Variants in CADM1 observed in about 807,000 individuals in gnomAD.
The protein encoded by CADM1 is cell adhesion molecule 1.
A neutral mutation model predicts 53.1 loss-of-function variants in CADM1; 15 were observed. The observed-to-expected ratio is 0.28, with a 90% CI of 0.19 to 0.44. The LOEUF (loss-of-function observed/expected upper bound fraction) is 0.44. CADM1 is among the 20% of genes least tolerant of loss of function. The probability of loss-of-function intolerance (pLI) is 1.00; values close to 1 mark genes in which losing one functional copy is unlikely to be tolerated. For missense variants in CADM1, 434 were observed against 611.3 expected, an observed-to-expected ratio of 0.71 and a Z score of 3.06; for synonymous variants, 281 against 243.0, an observed-to-expected ratio of 1.16 and a Z score of -1.45.
At chr11:115,477,656 T>C (rs1565446784) in intron 1 of CADM1, among the ~76,000 whole-genome samples, 1 of 152,230 alleles carries the variant, frequency 6.6e-6, no homozygotes, top group Non-Finnish European at 1.5e-5. Context: ...ACTAAGCTTA[T>C]ACATTGAAAA....
intron 1 of CADM1, among the ~76,000 whole-genome samples, chr11:115,342,621 T>C (rs567083034): frequency 6.6e-6 from 1 of 152,310 alleles, no homozygotes; most frequent in South Asian, 2.1e-4. Context: ...GCATCATAGA[T>C]ATCTAATTTT....
intron 1 of CADM1, among the ~76,000 whole-genome samples, chr11:115,368,597 T>C (rs1352658426): frequency 4.6e-5 from 7 of 152,102 alleles, no homozygotes; most frequent in Non-Finnish European, 1.0e-4. Context: ...AATCCTAATA[T>C]TAGGGGCACA....
chr11:115,367,391 T>C (rs1434130466), intron 1 of CADM1, among the ~76,000 whole-genome samples: 4 of 152,238 alleles, frequency 2.6e-5, no homozygotes, highest in African/African-American at 9.6e-5. Context: ...TACAAAGAAG[T>C]TTCTTTCCAT....
intron 1 of CADM1, among the ~76,000 whole-genome samples, chr11:115,393,851 A>T (rs911165623): frequency 7.2e-5 from 11 of 152,192 alleles, no homozygotes; most frequent in Admixed American, 1.3e-4. Flanking sequence ...AGTTACTGAT[A>T]ATAAATGGAC....
chr11:115,462,430 G>A (rs1331706416), intron 1 of CADM1, among the ~76,000 whole-genome samples: 1 of 152,106 alleles, frequency 6.6e-6, no homozygotes, highest in Non-Finnish European at 1.5e-5. Flanking sequence ...ACAGAGTGAC[G>A]CTCCTTTGGC....
At chr11:115,482,001 A>G (rs1036557342) in intron 1 of CADM1, among the ~76,000 whole-genome samples, 9 of 152,106 alleles carry the variant, frequency 5.9e-5, no homozygotes, top group Non-Finnish European at 1.3e-4. Flanking sequence ...TGATTTGACA[A>G]TTGTGTACCC....
chr11:115,375,734 C>G (rs150511880), intron 1 of CADM1, among the ~76,000 whole-genome samples: 37 of 151,906 alleles, frequency 2.4e-4, no homozygotes, highest in South Asian at 2.1e-3. Flanking sequence ...ATATATTGCA[C>G]GTAGGGAGTA....
At chr11:115,189,857 T>C (rs192169621) in intron 10 of CADM1, among the ~76,000 whole-genome samples, 1 of 152,352 alleles carries the variant, frequency 6.6e-6, no homozygotes, top group Admixed American at 6.5e-5. Flanking sequence ...AACTACAGGC[T>C]ACATAACAGC....
At chr11:115,346,685 G>T (rs1945587598) in intron 1 of CADM1, among the ~76,000 whole-genome samples, 2 of 152,174 alleles carry the variant, frequency 1.3e-5, no homozygotes, top group South Asian at 4.1e-4. Context: ...AATGAAAGCT[G>T]TCAGAGAGAG....
chr11:115,347,493 C>T (rs1945611288), intron 1 of CADM1, among the ~76,000 whole-genome samples: 1 of 152,152 alleles, frequency 6.6e-6, no homozygotes, highest in Non-Finnish European at 1.5e-5. Context: ...TTCTGGTGAA[C>T]TATTACTTAG....
At position 115,362,477 on chromosome 11, in the gene CADM1, G is replaced by A. The variant is rs569052353; in HGVS notation, c.125-122057C>T. 9.8e-5 allele frequency among the ~76,000 whole-genome samples: 15 copies of A among 152,296 alleles called. No individual in the cohort carries two copies. In the East Asian group the frequency reaches 2.5e-3, roughly 25 times the overall value. ...TAAGTACAATTTCTACAGGCCTCAA[G>A]AGCACTGCGACCTAGTCAACAAAAA... On this transcript the variant is annotated intron_variant, in intron 1 of 11. Transcript: ENST00000331581.
At chr11:115,226,988 G>C (rs1941634116) in intron 5 of CADM1, among the ~76,000 whole-genome samples, 1 of 152,112 alleles carries the variant, frequency 6.6e-6, no homozygotes. Context: ...TTCCATTCAG[G>C]TTAATATAAT....
chr11:115,214,513 G>T lies in CADM1; in HGVS notation c.994+95C>A, dbSNP rs1012633636. 9 of 1,304,462 alleles carry T rather than the reference G, an allele frequency of 6.9e-6. No homozygotes were observed. The Admixed American group carries it at 1.3e-4, about 18-fold the overall frequency. The allele number at this position is 1,304,462 out of a possible 1,614,324, so 80.8% of individuals were successfully genotyped here. A position where few individuals can be genotyped will look rare whatever the true frequency, so the allele number is the denominator to read the frequency against. On this transcript the variant is annotated intron_variant, in intron 7 of 11. Coordinates refer to ENST00000331581, the MANE Select transcript of CADM1 (RefSeq NM_001301043.2). ...TCTAGAAGGAAACCAACTGGTTTTT[G>T]ATTTTCAACTTGACCAAAAGCTTTG...
Position 115,169,422 on chromosome 11 carries a change from A to T in CADM1, c.*7052T>A, listed in dbSNP as rs1285576539. 2.8e-6 allele frequency: 1 copy of T among 360,996 alleles called. No homozygotes were observed. The highest frequency in any genetic ancestry group is 5.5e-6 in the Non-Finnish European group (1 of 182,792). 22.4% of individuals were successfully genotyped at this position (360,996 alleles called of 1,614,324 possible). Reference sequence around the variant, plus strand: ...TGTGTTAAGAATCAAGCCATCAAGAACAGCTGTGAATGTTATACAATTTCA... The same window carrying T: ...TGTGTTAAGAATCAAGCCATCAAGATCAGCTGTGAATGTTATACAATTTCA... On this transcript the variant is annotated 3_prime_UTR_variant, in exon 12 of 12. Coordinates refer to ENST00000331581, the MANE Select transcript of CADM1 (RefSeq NM_001301043.2).
At chr11:115,434,832 C>CT (rs1948142507) in intron 1 of CADM1, among the ~76,000 whole-genome samples, 1 of 149,238 alleles carries the variant, frequency 6.7e-6, no homozygotes, top group African/African-American at 2.5e-5. Flanking sequence ...TATCAGTTCT[C>CT]TAAGTATTTT....
rs959819489 is a variant in CADM1 at position 115,174,158 on chromosome 11, T to C, written c.*2316A>G. The C allele has an allele frequency of 2.2e-5, 22 of 985,300 alleles. No individual in the cohort carries two copies. The highest frequency in any genetic ancestry group is 3.5e-5 in the African/African-American group (2 of 57,228). 61.0% of individuals were successfully genotyped at this position (985,300 alleles called of 1,614,324 possible). A position where few individuals can be genotyped will look rare whatever the true frequency, so the allele number is the denominator to read the frequency against. ...CACATGAACCTGAGACATGTCAACA[T>C]TGTAAGCCATAAAGTTACATCAGGA... On this transcript the variant is annotated 3_prime_UTR_variant, in exon 12 of 12. Coordinates refer to ENST00000331581, the MANE Select transcript of CADM1 (RefSeq NM_001301043.2).
intron 1 of CADM1, among the ~76,000 whole-genome samples, chr11:115,403,581 AATTT>A (rs1947219375): frequency 1.3e-5 from 2 of 151,782 alleles, no homozygotes; most frequent in African/African-American, 4.8e-5. Context: ...GAAAATAGTT[AATTT>A]TTTTGTTTTT....
At chr11:115,197,818 T>C (rs138370589) in intron 9 of CADM1, among the ~76,000 whole-genome samples, 235 of 152,324 alleles carry the variant, frequency 1.5e-3, no homozygotes, top group African/African-American at 5.5e-3. Context: ...TATGAACACA[T>C]AGAGATTAGG....
intron 1 of CADM1, among the ~76,000 whole-genome samples, chr11:115,456,152 TTAAAGA>T (rs1348314445): frequency 6.6e-6 from 1 of 152,142 alleles, no homozygotes; most frequent in African/African-American, 2.4e-5. Flanking sequence ...ATGTGGGCCC[TTAAAGA>T]TAATACACCC....
Sources: allele counts gnomAD v4.1 joint callset (sites outside exome capture counted in the v4.1 genomes callset), GRCh38; gene constraint gnomAD v4.1.1; transcripts MANE v1.5; gene names NCBI Gene and HGNC (gene_info 2026-07-23, HGNC 2026-07-21).